Variants in KLHL24 observed in about 807,000 individuals in gnomAD.
KLHL24 encodes the protein kelch like family member 24.
Under a neutral mutation model 53.4 loss-of-function variants are expected in KLHL24, and 29 were observed. That is an observed-to-expected ratio of 0.54 (90% confidence interval 0.40 to 0.74). The LOEUF (loss-of-function observed/expected upper bound fraction) is 0.74. Ranked by LOEUF, KLHL24 falls within the 30% of genes least tolerant of loss-of-function variation. KLHL24 has a pLI of 0.00. For synonymous variants in KLHL24, 222 were observed against 253.7 expected (o/e 0.88, Z 1.19); for missense variants, 504 against 744.0 (o/e 0.68, Z 3.75).
At chr3:183,676,771 CT>C (rs1711960595) in intron 7 of KLHL24, among the ~76,000 whole-genome samples, 1 of 152,136 alleles carries the variant, frequency 6.6e-6, no homozygotes, top group African/African-American at 2.4e-5. Flanking sequence ...GTGATGAAGA[CT>C]TTTTTTCTCT....
intron 1 of KLHL24, among the ~76,000 whole-genome samples, chr3:183,637,414 A>G (rs1715489536): frequency 6.6e-6 from 1 of 152,218 alleles, no homozygotes; most frequent in African/African-American, 2.4e-5. Context: ...TCTAGGTCAC[A>G]CACTTCTATG....
intron 2 of KLHL24, among the ~76,000 whole-genome samples, chr3:183,644,954 G>A (rs4388003): frequency 0.34 from 50,932 of 152,032 alleles, 9,395 homozygotes; most frequent in African/African-American, 0.49. Flanking sequence ...AGAAGCTCAC[G>A]ATTTCCATTG....
chr3:183,659,975 T>C (rs569085888), intron 3 of KLHL24, among the ~76,000 whole-genome samples: 40 of 152,166 alleles, frequency 2.6e-4, no homozygotes, highest in Admixed American at 5.2e-4. Context: ...TGTTTTTTTT[T>C]CTTTTGTTCT....
At chr3:183,678,062 G>A (rs184857785) in intron 7 of KLHL24, among the ~76,000 whole-genome samples, 203 of 152,230 alleles carry the variant, frequency 1.3e-3, no homozygotes, top group African/African-American at 4.8e-3. Flanking sequence ...CAAAGTGCTG[G>A]GATTACAGGC....
chr3:183,663,774 A>G lies in KLHL24; in HGVS notation c.1105+132A>G. ...GGAAGATCAGTTTACAACAAATAAA[A>G]CCAAGAATGACTTTTTGCTCTTAAA... On this transcript the variant is annotated intron_variant, in intron 4 of 7. Coordinates refer to ENST00000242810, the MANE Select transcript of KLHL24 (RefSeq NM_017644.3). This position sits in a 1 kb window ranked among gnomAD's most constrained non-coding sequence, Gnocchi z 4.9. 3.8e-6 allele frequency: 2 copies of G among 522,440 alleles called. No homozygotes were observed. Among genetic ancestry groups the G allele is most frequent in the Middle Eastern group, 5.4e-4 (1 of 1,860 alleles). The allele number at this position is 522,440 out of a possible 1,614,324, so 32.4% of individuals were successfully genotyped here.
At chr3:183,667,951 C>T (rs1371067677) in intron 5 of KLHL24, among the ~76,000 whole-genome samples, 6 of 151,124 alleles carry the variant, frequency 4.0e-5, no homozygotes, top group Non-Finnish European at 8.8e-5. Flanking sequence ...GGGTTCAAGC[C>T]ATCCTCTTGC....
At position 183,679,505 on chromosome 3, in the gene KLHL24, G is replaced by T. The variant is rs929447434; in HGVS notation, c.*219G>T. ...TTTTTTGTTAAAGGTAATGGTGGTT[G>T]TTACTTGGCCTTTGAAGAGTGTACC... On this transcript the variant is annotated 3_prime_UTR_variant, in exon 8 of 8. Transcript: ENST00000242810. The T allele has an allele frequency of 2.0e-6, 1 of 509,078 alleles. No homozygotes were observed. 31.5% of individuals were successfully genotyped at this position (509,078 alleles called of 1,614,324 possible).
chr3:183,670,973 C>A, intron 5 of KLHL24, 61 bp from the exon 6 acceptor site: 9 of 1,163,304 alleles, frequency 7.7e-6, no homozygotes, highest in Non-Finnish European at 1.0e-5. Context: ...AATTCTTTAG[C>A]CAACTACTTC....
In KLHL24 at chr3:183,680,993, T is replaced by G. The variant is rs1415821468; in HGVS notation, c.*1707T>G. 6.6e-6 allele frequency: 1 copy of G among 152,188 alleles called. No individual in the cohort carries two copies. Among genetic ancestry groups the G allele is most frequent in the African/African-American group, 2.4e-5 (1 of 41,464 alleles). The allele number at this position is 152,188 out of a possible 1,614,324, so 9.4% of individuals were successfully genotyped here. A position where few individuals can be genotyped will look rare whatever the true frequency, so the allele number is the denominator to read the frequency against. ...GATTCAGAGATTTCAGATAGACATT[T>G]TTTAAACTTTAATGCTTAGCTAGAA... is the stretch of plus-strand genomic sequence containing the variant. On this transcript the variant is annotated 3_prime_UTR_variant, in exon 8 of 8. Coordinates refer to ENST00000242810, the MANE Select transcript of KLHL24 (RefSeq NM_017644.3).
At position 183,651,285 on chromosome 3, in the gene KLHL24, A is replaced by G; in HGVS notation, c.920+9A>G. The G allele has an allele frequency of 6.3e-7, 1 of 1,599,190 alleles. No individual in the cohort carries two copies. Among genetic ancestry groups the G allele is most frequent in the Non-Finnish European group, 8.5e-7 (1 of 1,171,402 alleles). ...AGGACTAGGCCACGCAGGTGAGAAG[A>G]CTGTTTTCAAATATAGTTAACAAAA... On this transcript the variant is annotated intron_variant, in intron 3 of 7. Transcript: ENST00000242810.
At chr3:183,644,512 A>G (rs533368622) in intron 2 of KLHL24, among the ~76,000 whole-genome samples, 3 of 152,320 alleles carry the variant, frequency 2.0e-5, no homozygotes, top group Non-Finnish European at 2.9e-5. Context: ...CATACAGAGC[A>G]GTAAACAAAT....
At position 183,650,214 on chromosome 3, in the gene KLHL24, AGTG is replaced by A. The variant is rs1355358015; in HGVS notation, c.-61-81_-61-79del. ...GAAATATATTATGTGATTTTGTTGTAGTGTTTATATTAAAATGAAATTATGTGA... is the reference window on the plus strand; with the variant it reads ...GAAATATATTATGTGATTTTGTTGTATTTATATTAAAATGAAATTATGTGA... On this transcript the variant is annotated intron_variant, in intron 2 of 7. Coordinates refer to ENST00000242810, the MANE Select transcript of KLHL24 (RefSeq NM_017644.3). This position sits in a 1 kb window ranked among gnomAD's most constrained non-coding sequence, Gnocchi z 4.5. 6.4e-6 allele frequency: 4 copies of A among 622,276 alleles called. No homozygotes were observed. The highest frequency in any genetic ancestry group is 3.1e-5 in the Admixed American group (1 of 32,684). 38.5% of individuals were successfully genotyped at this position (622,276 alleles called of 1,614,324 possible). A position where few individuals can be genotyped will look rare whatever the true frequency, so the allele number is the denominator to read the frequency against.
rs565436852 is a variant in KLHL24, at chr3:183,647,619, G to C, written c.-61-2677G>C. On this transcript the variant is annotated intron_variant, in intron 2 of 7. Transcript: ENST00000242810. The stretch of plus-strand genomic sequence containing the variant: ...CCAGCTACTTGGGAGGCTGAAGCAG[G>C]AGAATCACTTGAGCCTGGGAGGTGG... Among the ~76,000 whole-genome samples, 5 of 152,126 alleles carry C rather than the reference G, an allele frequency of 3.3e-5. No homozygotes were observed. The East Asian group carries it at 9.7e-4, about 29-fold the overall frequency.
In KLHL24 at chr3:183,637,021, C is replaced by T. The variant is rs553176107; in HGVS notation, c.-125+1228C>T. ...GCCGGGTGGTTCGCAGGAAGTCCTG[C>T]GAACACGTTGTTGCCAGTTCTGTAA... is the stretch of plus-strand genomic sequence containing the variant. On this transcript the variant is annotated intron_variant, in intron 1 of 7. Coordinates refer to ENST00000242810, the MANE Select transcript of KLHL24 (RefSeq NM_017644.3). Among the ~76,000 whole-genome samples the T allele has an allele frequency of 2.6e-5, 4 of 152,260 alleles. No homozygotes were observed. The South Asian group carries it at 8.3e-4, about 32-fold the overall frequency.
chr3:183,643,551 G>T lies in KLHL24; in HGVS notation c.-62+9G>T, dbSNP rs779936741. 10 of 152,096 alleles carry T rather than the reference G, an allele frequency of 6.6e-5. No homozygotes were observed. The highest frequency in any genetic ancestry group is 2.4e-4 in the African/African-American group (10 of 41,414). 9.4% of individuals were successfully genotyped at this position (152,096 alleles called of 1,614,324 possible). A position where few individuals can be genotyped will look rare whatever the true frequency, so the allele number is the denominator to read the frequency against. ...AACCAAATGCTAAAAAGGTATATTT[G>T]TAATATTTATAAACTATCTAAATGT... On this transcript the variant is annotated intron_variant, in intron 2 of 7. Coordinates refer to ENST00000242810, the MANE Select transcript of KLHL24 (RefSeq NM_017644.3).
intron 2 of KLHL24, among the ~76,000 whole-genome samples, chr3:183,649,536 A>AG (rs1717832270): frequency 6.6e-6 from 1 of 151,570 alleles, no homozygotes; most frequent in Admixed American, 6.6e-5. Flanking sequence ...AAAAAAAAAA[A>AG]GGACTTGCTG....
intron 3 of KLHL24, among the ~76,000 whole-genome samples, chr3:183,655,197 G>A (rs1186429201): frequency 6.6e-6 from 1 of 152,210 alleles, no homozygotes; most frequent in African/African-American, 2.4e-5. Context: ...AAACAGTGTG[G>A]TGGTAGTTTC....
At chr3:183,644,034 CTTTTTTTTTTTTTT>C (rs397955282) in intron 2 of KLHL24, 11 of 76,110 alleles carry the variant, frequency 1.4e-4, no homozygotes, top group African/African-American at 6.1e-4. Flanking sequence ...TTTTTCTTTC[CTTTTTTTTTTTTTT>C]TTTTTTTTTT....
rs563944190 is a variant in KLHL24, at chr3:183,661,039, T to TG, written c.921-2416dup. On this transcript the variant is annotated intron_variant, in intron 3 of 7. Transcript: ENST00000242810. ...GAGATTGCGCCACCGCACTCCAGCC[T>TG]GGGCGACAGAGCGAGACTCCGTCTC... 6.1e-5 allele frequency among the ~76,000 whole-genome samples: 4 copies of TG among 65,230 alleles called. No homozygotes were observed. The South Asian group carries it at 1.4e-3, about 22-fold the overall frequency. The allele number at this position is 65,230 out of a possible 152,430, so 42.8% of individuals were successfully genotyped here. A position where few individuals can be genotyped will look rare whatever the true frequency, so the allele number is the denominator to read the frequency against.
Sources: gnomAD v4.1 joint callset for allele counts (sites outside exome capture counted in the v4.1 genomes callset) on GRCh38, gnomAD v4.1.1 for gene constraint, Gnocchi (gnomAD v3.1) non-coding constraint, MANE v1.5 for transcripts, NCBI Gene and HGNC (gene_info 2026-07-23, HGNC 2026-07-21) for gene names.